GPHN: variants seen among roughly 807,000 people sequenced by gnomAD.
The protein encoded by GPHN is gephyrin.
In GPHN, 17 loss-of-function variants were observed where a neutral mutation model predicts 95.5. The ratio of observed to expected loss-of-function variants is 0.18; its 90% CI spans 0.12 to 0.27. The LOEUF is 0.27. Among genes scored for constraint, GPHN ranks in the 10% least tolerant of loss-of-function variants. The pLI, the probability that GPHN is intolerant of heterozygous loss-of-function variation, is 1.00. For missense variants in GPHN, 660 were observed against 978.1 expected (o/e 0.67, Z 4.34); for synonymous variants, 320 against 322.5 (o/e 0.99, Z 0.08).
chr14:67,395,283 C>G, the GPHN span: 1 of 819,868 alleles, frequency 1.2e-6, no homozygotes, highest in Non-Finnish European at 1.9e-6. Flanking sequence ...CCTGAAGCAC[C>G]GTGGTGGCAC....
chr14:66,772,739 T>A (rs939090823), intron 2 of GPHN, among the ~76,000 whole-genome samples: 1 of 152,232 alleles, frequency 6.6e-6, no homozygotes, highest in African/African-American at 2.4e-5. Flanking sequence ...ATTTCTGATA[T>A]ATGTTTTTAA....
At chr14:67,382,769 A>C in the GPHN span, 1 of 625,528 alleles carries the variant, frequency 1.6e-6, no homozygotes, top group Non-Finnish European at 2.7e-6. Context: ...GGAATAAACA[A>C]TATAAATGAG....
the GPHN span, among the ~76,000 whole-genome samples, chr14:67,286,855 C>CA: frequency 0.28 from 18,541 of 66,598 alleles, 2,789 homozygotes; most frequent in African/African-American, 0.47. Context: ...GACCTGGTCT[C>CA]AAAAAAAAAA....
the GPHN span, among the ~76,000 whole-genome samples, chr14:67,558,075 C>T: frequency 2.0e-5 from 3 of 152,242 alleles, no homozygotes; most frequent in African/African-American, 7.2e-5. Flanking sequence ...TTCAGCTCCA[C>T]TTGGCACCTT....
intron 19 of GPHN, among the ~76,000 whole-genome samples, chr14:67,161,214 A>G (rs2153719267): frequency 6.6e-6 from 1 of 152,222 alleles, no homozygotes; most frequent in South Asian, 2.1e-4. Flanking sequence ...GAATCGCTTG[A>G]GCTGGGAAGC....
intron 8 of GPHN, among the ~76,000 whole-genome samples, chr14:66,942,531 T>TA (rs1435423967): frequency 6.6e-6 from 1 of 152,226 alleles, no homozygotes; most frequent in Non-Finnish European, 1.5e-5. Flanking sequence ...CCAGGGTAGT[T>TA]ACAGTTAGAA....
In GPHN at chr14:67,024,274, A is replaced by C. The variant is rs543445622; in HGVS notation, c.1006+599A>C. On this transcript the variant is annotated intron_variant, in intron 10 of 22. Transcript: ENST00000478722. ...AAAGGAACTATAATAGGTTTTCCTT[A>C]TCTGTACCTTTGAAATGATGTCACA... is the stretch of plus-strand genomic sequence containing the variant. 2.0e-5 allele frequency among the ~76,000 whole-genome samples: 3 copies of C among 152,304 alleles called. No homozygotes were observed. The South Asian group carries it at 6.2e-4, about 32-fold the overall frequency.
chr14:67,359,614 GT>G, the GPHN span: 1 of 1,611,376 alleles, frequency 6.2e-7, no homozygotes, highest in South Asian at 1.1e-5. Flanking sequence ...CGCGCTCCGG[GT>G]TCCTAAACCT....
At chr14:66,988,519 C>T (rs2071181231) in intron 9 of GPHN, among the ~76,000 whole-genome samples, 1 of 151,958 alleles carries the variant, frequency 6.6e-6, no homozygotes, top group South Asian at 2.1e-4. Context: ...AGTTAATAGA[C>T]TTAACTCAGA....
intron 1 of GPHN, among the ~76,000 whole-genome samples, chr14:66,623,991 G>C (rs1319804289): frequency 6.6e-6 from 1 of 152,064 alleles, no homozygotes; most frequent in Non-Finnish European, 1.5e-5. Flanking sequence ...ACCAACCCTG[G>C]AGCGAGCAGC....
chr14:67,616,457 G>A, the GPHN span: 2 of 156,504 alleles, frequency 1.3e-5, no homozygotes, highest in African/African-American at 5.0e-5. Flanking sequence ...TTGTTGTTCT[G>A]TTAACTGAAT....
intron 11 of GPHN, among the ~76,000 whole-genome samples, chr14:67,079,733 ACTCT>A (rs1466803196): frequency 6.6e-6 from 1 of 151,804 alleles, no homozygotes; most frequent in African/African-American, 2.4e-5. Context: ...CAAATTCAAA[ACTCT>A]CTATCCATTA....
At chr14:66,792,446 G>A (rs1438279523) in intron 3 of GPHN, among the ~76,000 whole-genome samples, 2 of 150,076 alleles carry the variant, frequency 1.3e-5, no homozygotes, top group Non-Finnish European at 3.0e-5. Flanking sequence ...CCAGAAAGCA[G>A]AAACTGCAGT....
At chr14:66,664,989 C>CAAAAAAAA (rs937401198) in intron 1 of GPHN, among the ~76,000 whole-genome samples, 6 of 54,886 alleles carry the variant, frequency 1.1e-4, no homozygotes, top group Admixed American at 2.1e-4. Context: ...GCCTACCAAC[C>CAAAAAAAA]AAAAAAAAAA....
the GPHN span, among the ~76,000 whole-genome samples, chr14:67,449,414 C>T: frequency 5.3e-5 from 8 of 152,216 alleles, no homozygotes; most frequent in South Asian, 6.2e-4. Context: ...GGGAAAGATG[C>T]TCTTTCATGG....
chr14:67,620,955 TC>T, the GPHN span: 1 of 1,613,980 alleles, frequency 6.2e-7, no homozygotes, highest in African/African-American at 1.3e-5. Flanking sequence ...ATGAAAAGGC[TC>T]TCCAGTTTGG....
chr14:67,341,192 C>T, the GPHN span, among the ~76,000 whole-genome samples: 5 of 151,882 alleles, frequency 3.3e-5, no homozygotes, highest in African/African-American at 4.8e-5. Flanking sequence ...AAGTGAGGAG[C>T]GTCTGTGACT....
the GPHN span, among the ~76,000 whole-genome samples, chr14:67,535,445 A>G: frequency 7.4e-6 from 1 of 135,724 alleles, no homozygotes; most frequent in Non-Finnish European, 1.5e-5. Context: ...CAGTGGTGCA[A>G]TCTCAGCTCA....
At chr14:66,541,380 G>C (rs2059347294) in intron 1 of GPHN, among the ~76,000 whole-genome samples, 2 of 152,246 alleles carry the variant, frequency 1.3e-5, no homozygotes, top group Admixed American at 1.3e-4. Context: ...TAAGGGAGAA[G>C]GTACTAGAAA....
Sources: gnomAD v4.1 joint callset for allele counts (sites outside exome capture counted in the v4.1 genomes callset) on GRCh38, gnomAD v4.1.1 for gene constraint, MANE v1.5 for transcripts, NCBI Gene and HGNC (gene_info 2026-07-23, HGNC 2026-07-21) for gene names.